SYT14: variants seen among roughly 807,000 people sequenced by gnomAD.
SYT14 encodes synaptotagmin 14.
Under a neutral mutation model 74.2 loss-of-function variants are expected in SYT14, and 32 were observed. The observed-to-expected ratio is 0.43, with a 90% CI of 0.33 to 0.58. The LOEUF (loss-of-function observed/expected upper bound fraction) is 0.58, where lower values mean the gene tolerates loss of function less well. SYT14 is among the 20% of genes least tolerant of loss of function. SYT14 has a pLI of 0.05. For missense variants in SYT14, 791 were observed against 981.8 expected, an observed-to-expected ratio of 0.81 and a Z score of 2.60; for synonymous variants, 298 against 337.7, an observed-to-expected ratio of 0.88 and a Z score of 1.29.
chr1:210,061,502 T>G (rs1161960623), intron 5 of SYT14, among the ~76,000 whole-genome samples: 2 of 151,926 alleles, frequency 1.3e-5, no homozygotes, highest in Non-Finnish European at 2.9e-5. Flanking sequence ...TTTTCCTTAT[T>G]CTTTTAAAAG....
intron 2 of SYT14, among the ~76,000 whole-genome samples, chr1:209,980,961 GT>G (rs916133729): frequency 6.6e-6 from 1 of 151,900 alleles, no homozygotes; most frequent in Non-Finnish European, 1.5e-5. Context: ...TTTTAAAATA[GT>G]TTTTTTTCTA....
chr1:209,985,770 T>G (rs748771617), intron 2 of SYT14, among the ~76,000 whole-genome samples: 1 of 152,248 alleles, frequency 6.6e-6, no homozygotes, highest in Non-Finnish European at 1.5e-5. Flanking sequence ...CTGCCAAGCT[T>G]CCACTACTCT....
chr1:210,099,370 T>A (rs1414522812), intron 6 of SYT14, among the ~76,000 whole-genome samples: 1 of 152,130 alleles, frequency 6.6e-6, no homozygotes, highest in Non-Finnish European at 1.5e-5. Flanking sequence ...TAGTCATTAA[T>A]GTTAGAAAAT....
exon 6 of SYT14, chr1:210,094,508 G>C: frequency 2.5e-6 from 4 of 1,613,942 alleles, no homozygotes; most frequent in Non-Finnish European, 3.4e-6. Context: ...AGTGAAGGAA[G>C]CACAGGTCAT....
At chr1:209,999,469 A>G (rs2079854873) in intron 2 of SYT14, among the ~76,000 whole-genome samples, 1 of 152,180 alleles carries the variant, frequency 6.6e-6, no homozygotes, top group Non-Finnish European at 1.5e-5. Flanking sequence ...TTCTTGCAGC[A>G]CTATTCACAA....
chr1:210,128,997 A>C (rs778427027), intron 7 of SYT14, among the ~76,000 whole-genome samples: 2 of 152,196 alleles, frequency 1.3e-5, no homozygotes, highest in African/African-American at 2.4e-5. Flanking sequence ...TTAGCAATGT[A>C]TGTTCCTTAG....
chr1:210,169,840 A>G (rs1004119185), exon 10 of SYT14: 1 of 152,130 alleles, frequency 6.6e-6, no homozygotes, highest in Non-Finnish European at 1.5e-5. Context: ...ATACTCTTGC[A>G]TTGTATTTTA....
At chr1:210,020,750 A>G (rs990150860) in intron 4 of SYT14, among the ~76,000 whole-genome samples, 1 of 152,196 alleles carries the variant, frequency 6.6e-6, no homozygotes, top group African/African-American at 2.4e-5. Context: ...AACAAACATT[A>G]TTTATATAAT....
intron 5 of SYT14, among the ~76,000 whole-genome samples, chr1:210,067,702 G>A (rs1328989203): frequency 6.6e-6 from 1 of 151,788 alleles, no homozygotes; most frequent in Non-Finnish European, 1.5e-5. Context: ...CCTCATCAAT[G>A]CTTACATTTG....
chr1:210,071,947 T>A (rs935589543), intron 5 of SYT14, among the ~76,000 whole-genome samples: 25 of 151,912 alleles, frequency 1.6e-4, no homozygotes, highest in Non-Finnish European at 2.9e-4. Flanking sequence ...AATTAGAAGT[T>A]TTTATTACTG....
At chr1:209,958,105 G>T (rs565646048) in intron 2 of SYT14, among the ~76,000 whole-genome samples, 5 of 152,120 alleles carry the variant, frequency 3.3e-5, no homozygotes, top group African/African-American at 1.2e-4. Flanking sequence ...ATATGGTTAA[G>T]AACCTAATTT....
At chr1:210,121,308 G>A (rs1264139335) in intron 7 of SYT14, among the ~76,000 whole-genome samples, 1 of 152,084 alleles carries the variant, frequency 6.6e-6, no homozygotes, top group East Asian at 1.9e-4. Context: ...ATCTTAATTA[G>A]ATACTAGTCC....
At chr1:210,139,281 T>TA (rs2082865060) in intron 7 of SYT14, among the ~76,000 whole-genome samples, 1 of 142,942 alleles carries the variant, frequency 7.0e-6, no homozygotes, top group Non-Finnish European at 1.6e-5. Context: ...TTTTTTTTTT[T>TA]TTTTTTGATT....
intron 2 of SYT14, among the ~76,000 whole-genome samples, chr1:209,960,889 G>A (rs2079066042): frequency 6.6e-6 from 1 of 152,128 alleles, no homozygotes; most frequent in South Asian, 2.1e-4. Flanking sequence ...AGTACAAGGT[G>A]TGAGAGATGA....
intron 5 of SYT14, among the ~76,000 whole-genome samples, chr1:210,065,868 C>T (rs1365643750): frequency 6.6e-6 from 1 of 150,994 alleles, no homozygotes; most frequent in Non-Finnish European, 1.5e-5. Context: ...TAATGCTTTC[C>T]CTCCCCCTTC....
chr1:210,169,325 A>G (rs756682138), exon 10 of SYT14: 16 of 143,900 alleles, frequency 1.1e-4, no homozygotes, highest in Non-Finnish European at 1.6e-4. Context: ...TTTTTGGATA[A>G]ATATTGAGAA....
At chr1:209,962,112 T>G (rs2079083973) in intron 2 of SYT14, among the ~76,000 whole-genome samples, 1 of 152,050 alleles carries the variant, frequency 6.6e-6, no homozygotes, top group African/African-American at 2.4e-5. Flanking sequence ...GTCTTACTTT[T>G]CTTTCTTTCT....
intron 4 of SYT14, among the ~76,000 whole-genome samples, chr1:210,017,653 G>T (rs760510444): frequency 1.3e-5 from 2 of 151,986 alleles, no homozygotes; most frequent in Non-Finnish European, 2.9e-5. Context: ...ATAAGTATAC[G>T]TGAATAATCT....
chr1:210,065,334 A>G (rs1357296123), intron 5 of SYT14, among the ~76,000 whole-genome samples: 1 of 152,018 alleles, frequency 6.6e-6, no homozygotes, highest in African/African-American at 2.4e-5. Context: ...TTCTTGTGAT[A>G]CTGAATGAGT....
Sources: allele counts gnomAD v4.1 joint callset (sites outside exome capture counted in the v4.1 genomes callset), GRCh38; gene constraint gnomAD v4.1.1; transcripts MANE v1.5; gene names NCBI Gene and HGNC (gene_info 2026-07-23, HGNC 2026-07-21).